The following CDH11 variants were observed in gnomAD, a reference collection of about 807,000 sequenced individuals.
CDH11 encodes the protein cadherin 11, also known as cadherin-11.
CDH11 carries 11 observed loss-of-function variants against 67.8 expected under a neutral mutation model. That is an observed-to-expected ratio of 0.16 (90% CI 0.10 to 0.27). The LOEUF (loss-of-function observed/expected upper bound fraction) is 0.27, where lower values mean the gene tolerates loss of function less well. CDH11 is among the 10% of genes least tolerant of loss of function. The pLI is 1.00. For missense variants in CDH11, 847 were observed against 1,031.2 expected (o/e 0.82, Z 2.45); for synonymous variants, 419 against 400.0 (o/e 1.05, Z -0.57).
At chr16:64,963,778 C>T (rs1317536718) in intron 11 of CDH11, among the ~76,000 whole-genome samples, 1 of 151,936 alleles carries the variant, frequency 6.6e-6, no homozygotes, top group Non-Finnish European at 1.5e-5. Flanking sequence ...AGAAATCATG[C>T]CAGCAAAAAG....
rs757872396 is a variant in CDH11 at position 64,973,009 on chromosome 16, T to G, written c.1285A>C (p.Arg429=). 8.1e-6 allele frequency: 13 copies of G among 1,613,688 alleles called. No individual in the cohort carries two copies. Among genetic ancestry groups the G allele is most frequent in the Non-Finnish European group, 1.0e-5 (12 of 1,179,866 alleles). The change falls in exon 9 of 13, where the codon AGA becomes CGA. Residue 429 remains arginine, a synonymous_variant. Transcript: ENST00000268603. ...YSIDRHTDLD[R]FFTINPEDGF... ...TCCTCTGGATTAATAGTGAAAAATC[T>G]GTCGAGGTCAGTGTGACGATCGATG...
At chr16:65,086,883 T>C (rs918381810) in intron 1 of CDH11, among the ~76,000 whole-genome samples, 6 of 152,336 alleles carry the variant, frequency 3.9e-5, no homozygotes, top group Non-Finnish European at 8.8e-5. Context: ...TTGGACATTA[T>C]ACAAATTATA....
At chr16:65,120,032 G>C (rs1430288393) in intron 1 of CDH11, among the ~76,000 whole-genome samples, 3 of 152,266 alleles carry the variant, frequency 2.0e-5, no homozygotes, top group Admixed American at 6.5e-5. Flanking sequence ...AGTGCTTCTC[G>C]TATTGGCCAC....
intron 2 of CDH11, among the ~76,000 whole-genome samples, chr16:65,014,197 T>C (rs1305618952): frequency 1.3e-5 from 2 of 151,970 alleles, no homozygotes; most frequent in Non-Finnish European, 2.9e-5. Context: ...ACAATAGAGA[T>C]TGCTAAATGC....
At chr16:64,987,949 T>C (rs187428422) in intron 7 of CDH11, 159 of 431,846 alleles carry the variant, frequency 3.7e-4, no homozygotes, top group African/African-American at 3.0e-3. Flanking sequence ...CAGGCAGGTA[T>C]CACCAGCCCC....
intron 3 of CDH11, 67 bp from the exon 4 acceptor site, chr16:64,998,923 T>A: frequency 2.3e-6 from 3 of 1,311,006 alleles, no homozygotes; most frequent in Non-Finnish European, 3.3e-6. Context: ...CACTTACAAG[T>A]GATTGCAACA....
At chr16:64,962,817 CT>C (rs1436288982) in intron 11 of CDH11, among the ~76,000 whole-genome samples, 1 of 152,168 alleles carries the variant, frequency 6.6e-6, no homozygotes, top group Non-Finnish European at 1.5e-5. Flanking sequence ...GGAAAAGAAA[CT>C]TCCAACTCTA....
intron 6 of CDH11, among the ~76,000 whole-genome samples, chr16:64,991,102 A>AAAG (rs2072618757): frequency 6.6e-6 from 1 of 152,166 alleles, no homozygotes; most frequent in Non-Finnish European, 1.5e-5. Flanking sequence ...AAACTTCTGA[A>AAAG]GCTAGTTAAC....
chr16:65,055,653 C>T (rs2074130120), intron 1 of CDH11, among the ~76,000 whole-genome samples: 1 of 152,156 alleles, frequency 6.6e-6, no homozygotes, highest in South Asian at 2.1e-4. Flanking sequence ...GCGTTTCACC[C>T]ATACTTATTT....
intron 11 of CDH11, among the ~76,000 whole-genome samples, chr16:64,955,312 C>T (rs1396492814): frequency 4.6e-5 from 7 of 152,000 alleles, no homozygotes; most frequent in African/African-American, 1.4e-4. Context: ...TGTGGTGGCG[C>T]ATGCCTATAA....
At chr16:65,056,444 C>G (rs1476762366) in intron 1 of CDH11, among the ~76,000 whole-genome samples, 2 of 152,158 alleles carry the variant, frequency 1.3e-5, no homozygotes, top group African/African-American at 4.8e-5. Flanking sequence ...AATCAATCCA[C>G]AAAACTGTAA....
At position 64,968,666 on chromosome 16, in the gene CDH11, CG is replaced by C; in HGVS notation, c.1642+2912del. On this transcript the variant is annotated intron_variant, in intron 11 of 12. Transcript: ENST00000268603. Reference sequence around the variant, plus strand: ...TTCTAAAAACGCTGAATGCTTATGCCGGAGTTTAGGCAAACACAATACTGAT... The same window carrying C: ...TTCTAAAAACGCTGAATGCTTATGCCGAGTTTAGGCAAACACAATACTGAT... 6.0e-6 allele frequency: 3 copies of C among 496,838 alleles called. No individual in the cohort carries two copies. The South Asian group carries it at 2.6e-4, about 43-fold the overall frequency. The allele number at this position is 496,838 out of a possible 1,614,324, so 30.8% of individuals were successfully genotyped here.
chr16:64,996,549 C>T (rs2072771569), intron 4 of CDH11, among the ~76,000 whole-genome samples: 1 of 151,132 alleles, frequency 6.6e-6, no homozygotes, highest in Admixed American at 6.6e-5. Flanking sequence ...TCTTTATAGA[C>T]CCAAAGGAAA....
intron 8 of CDH11, among the ~76,000 whole-genome samples, chr16:64,979,031 A>T (rs894750593): frequency 3.9e-5 from 6 of 152,212 alleles, no homozygotes; most frequent in African/African-American, 1.4e-4. Context: ...AGGCCCTACC[A>T]TTCAGAATAC....
intron 8 of CDH11, among the ~76,000 whole-genome samples, chr16:64,979,600 G>A (rs899695105): frequency 6.6e-6 from 1 of 151,492 alleles, no homozygotes; most frequent in Admixed American, 6.6e-5. Flanking sequence ...GGAGAAACTG[G>A]AACTCTCATA....
At chr16:64,972,181 T>C (rs2072025604) in intron 9 of CDH11, 117 bp from the exon 10 acceptor site, 1 of 835,854 alleles carries the variant, frequency 1.2e-6, no homozygotes, top group South Asian at 1.7e-5. Context: ...CAGGGAAAGA[T>C]GTTCTTGTCA....
rs532305971 is a variant in CDH11 at position 64,991,967 on chromosome 16, T to C, written c.644-32A>G. On this transcript the variant is annotated intron_variant, in intron 5 of 12. Transcript: ENST00000268603. ...AGGTAAGCAGGCAACATCACAGATA[T>C]TCGTTTATAACATTATGACAACAAG... 73 of 1,515,494 alleles carry C rather than the reference T, an allele frequency of 4.8e-5. 1 individual carries two copies. The South Asian group carries it at 5.9e-4, about 12-fold the overall frequency. The allele number at this position is 1,515,494 out of a possible 1,614,324, so 93.9% of individuals were successfully genotyped here. A position where few individuals can be genotyped will look rare whatever the true frequency, so the allele number is the denominator to read the frequency against.
intron 1 of CDH11, among the ~76,000 whole-genome samples, chr16:65,064,666 A>C (rs1429271615): frequency 2.0e-5 from 3 of 152,250 alleles, no homozygotes; most frequent in Non-Finnish European, 4.4e-5. Context: ...TCAGGCTCAG[A>C]GAGGATTCAA....
intron 1 of CDH11, among the ~76,000 whole-genome samples, chr16:65,088,213 G>T (rs1026377955): frequency 6.6e-6 from 1 of 152,220 alleles, no homozygotes; most frequent in East Asian, 1.9e-4. Context: ...ACCAGACACC[G>T]AATCAGCTGG....
Sources: allele counts gnomAD v4.1 joint callset (sites outside exome capture counted in the v4.1 genomes callset), GRCh38; gene constraint gnomAD v4.1.1; transcripts MANE v1.5; gene names NCBI Gene and HGNC (gene_info 2026-07-23, HGNC 2026-07-21).